LUZP2: variants seen among roughly 807,000 people sequenced by gnomAD.
The protein encoded by LUZP2 is leucine zipper protein 2.
Under a neutral mutation model 51.6 loss-of-function variants are expected in LUZP2, and 52 were observed. The ratio of observed to expected loss-of-function variants is 1.01; its 90% CI spans 0.81 to 1.27. LUZP2 has a LOEUF of 1.27. Ranked by LOEUF, LUZP2 falls within the 50% of genes most tolerant of loss-of-function variation. LUZP2 has a pLI of 0.00. For missense variants in LUZP2, 436 were observed against 395.4 expected (o/e 1.10, Z -0.87); for synonymous variants, 154 against 137.3 (o/e 1.12, Z -0.85).
chr11:25,014,152 T>A (rs1414498605), intron 9 of LUZP2, among the ~76,000 whole-genome samples: 2 of 152,186 alleles, frequency 1.3e-5, no homozygotes, highest in Non-Finnish European at 2.9e-5. Flanking sequence ...TCTATCATTG[T>A]TGGACATTTG....
chr11:24,504,887 A>G (rs1232152713), intron 1 of LUZP2, among the ~76,000 whole-genome samples: 1 of 152,162 alleles, frequency 6.6e-6, no homozygotes, highest in Admixed American at 6.5e-5. Context: ...CATTTCTGTG[A>G]CAGAATGCAT....
intron 9 of LUZP2, among the ~76,000 whole-genome samples, chr11:25,023,903 T>A (rs1441475279): frequency 3.3e-5 from 5 of 152,174 alleles, no homozygotes; most frequent in Non-Finnish European, 7.3e-5. Flanking sequence ...CCATTAGTCA[T>A]TCAGGAGCAG....
At chr11:24,670,777 A>G (rs1856378876) in intron 1 of LUZP2, among the ~76,000 whole-genome samples, 2 of 151,892 alleles carry the variant, frequency 1.3e-5, no homozygotes, top group African/African-American at 4.8e-5. Flanking sequence ...TATTCATTTT[A>G]GTTTATGTAA....
intron 1 of LUZP2, among the ~76,000 whole-genome samples, chr11:24,607,108 T>A (rs1290693560): frequency 6.6e-6 from 1 of 151,964 alleles, no homozygotes; most frequent in Non-Finnish European, 1.5e-5. Context: ...TTGTTGAATG[T>A]TTCCTTTACT....
At chr11:24,577,264 A>T (rs540411493) in intron 1 of LUZP2, among the ~76,000 whole-genome samples, 2 of 152,152 alleles carry the variant, frequency 1.3e-5, no homozygotes, top group East Asian at 1.9e-4. Context: ...ATATTTTTTT[A>T]AAATTATGAC....
At chr11:24,729,964 T>C (rs1266893349) in intron 2 of LUZP2, among the ~76,000 whole-genome samples, 1 of 151,850 alleles carries the variant, frequency 6.6e-6, no homozygotes, top group East Asian at 1.9e-4. Context: ...TTTTTGAATG[T>C]TACAAAAGAA....
At chr11:24,847,534 T>C (rs956130992) in intron 5 of LUZP2, among the ~76,000 whole-genome samples, 5 of 152,184 alleles carry the variant, frequency 3.3e-5, no homozygotes, top group Non-Finnish European at 5.9e-5. Context: ...AGGCACATTA[T>C]GTAGATTTTT....
intron 7 of LUZP2, among the ~76,000 whole-genome samples, chr11:24,928,959 A>G (rs1204703478): frequency 6.6e-6 from 1 of 151,956 alleles, no homozygotes. Flanking sequence ...TAATCTCAGA[A>G]GGTTGTATAT....
intron 1 of LUZP2, among the ~76,000 whole-genome samples, chr11:24,680,971 TTA>T (rs1166329043): frequency 0.063 from 4,380 of 69,844 alleles, 72 homozygotes; most frequent in Middle Eastern, 0.12. Context: ...ATTTCTTTCT[TTA>T]TTTTTTTTTT....
chr11:24,882,819 G>GAA (rs374077815), intron 5 of LUZP2, among the ~76,000 whole-genome samples: 2 of 150,320 alleles, frequency 1.3e-5, no homozygotes, highest in Non-Finnish European at 3.0e-5. Context: ...AAGAAGGGAG[G>GAA]GAGGGAGGGA....
chr11:24,849,299 G>C (rs937244922), intron 5 of LUZP2, among the ~76,000 whole-genome samples: 3 of 151,984 alleles, frequency 2.0e-5, no homozygotes, highest in African/African-American at 7.2e-5. Context: ...CCTATCAACA[G>C]GCCCCGGTGT....
intron 10 of LUZP2, 147 bp from the exon 11 acceptor site, chr11:25,077,182 A>T (rs1220801851): frequency 3.1e-6 from 2 of 639,360 alleles, no homozygotes; most frequent in African/African-American, 3.6e-5. Context: ...TGTGGTGATT[A>T]TTTTTGTCCC....
chr11:24,538,954 AT>A (rs1316345295), intron 1 of LUZP2, among the ~76,000 whole-genome samples: 1 of 151,794 alleles, frequency 6.6e-6, no homozygotes, highest in Non-Finnish European at 1.5e-5. Flanking sequence ...ATTATATATA[AT>A]TTTTCATTAA....
chr11:24,729,898 C>T (rs1490833569), intron 2 of LUZP2, among the ~76,000 whole-genome samples: 1 of 151,596 alleles, frequency 6.6e-6, no homozygotes, highest in Non-Finnish European at 1.5e-5. Flanking sequence ...TGAGGTAGAT[C>T]CTATTGTGAC....
chr11:24,577,775 T>G (rs1293865150), intron 1 of LUZP2, among the ~76,000 whole-genome samples: 1 of 152,130 alleles, frequency 6.6e-6, no homozygotes, highest in African/African-American at 2.4e-5. Flanking sequence ...TACACCTACT[T>G]TATAGATAAT....
Position 24,894,835 on chromosome 11 carries a change from G to A in LUZP2, c.397-11156G>A, listed in dbSNP as rs536645146. 3.9e-5 allele frequency among the ~76,000 whole-genome samples: 6 copies of A among 152,200 alleles called. 1 individual carries two copies. In the South Asian group the frequency reaches 8.3e-4, roughly 21 times the overall value. ...AGGTTAACTGGGGGCAATTGAGAACGGGATGCCTATTAGAATAAATAGGGA... is the reference window on the plus strand; with the variant it reads ...AGGTTAACTGGGGGCAATTGAGAACAGGATGCCTATTAGAATAAATAGGGA... On this transcript the variant is annotated intron_variant, in intron 5 of 11. Coordinates refer to ENST00000336930, the MANE Select transcript of LUZP2 (RefSeq NM_001009909.4).
At chr11:25,027,526 T>A (rs1857526916) in intron 9 of LUZP2, among the ~76,000 whole-genome samples, 1 of 152,176 alleles carries the variant, frequency 6.6e-6, no homozygotes, top group African/African-American at 2.4e-5. Context: ...TTGCTGAAGT[T>A]ACCAGTACGA....
chr11:24,815,520 T>G (rs1169525363), intron 5 of LUZP2, among the ~76,000 whole-genome samples: 1 of 152,198 alleles, frequency 6.6e-6, no homozygotes, highest in Non-Finnish European at 1.5e-5. Context: ...CTTAATAATA[T>G]AACTCTCCAA....
chr11:24,751,412 G>T (rs1378189797), intron 4 of LUZP2: 4 of 178,238 alleles, frequency 2.2e-5, no homozygotes, highest in Non-Finnish European at 4.3e-5. Context: ...CTCCTTTTCT[G>T]CACTCTTCCT....
Sources: allele counts gnomAD v4.1 joint callset (sites outside exome capture counted in the v4.1 genomes callset), GRCh38; gene constraint gnomAD v4.1.1; transcripts MANE v1.5; gene names NCBI Gene and HGNC (gene_info 2026-07-23, HGNC 2026-07-21).